The following CCSER2 variants were observed in gnomAD, a reference collection of about 807,000 sequenced individuals.
CCSER2 encodes the protein coiled-coil serine rich protein 2, also known as serine-rich coiled-coil domain-containing protein 2.
CCSER2 carries 46 observed loss-of-function variants against 92.3 expected under a neutral mutation model. That is an observed-to-expected ratio of 0.50 (90% CI 0.39 to 0.64). The LOEUF is 0.64. CCSER2 is among the 30% of genes least tolerant of loss of function. The probability of loss-of-function intolerance (pLI) is 0.00; values close to 1 mark genes in which losing one functional copy is unlikely to be tolerated. For synonymous variants in CCSER2, 433 were observed against 431.4 expected, an observed-to-expected ratio of 1.00 and a Z score of -0.04; for missense variants, 1,244 against 1,238.9, an observed-to-expected ratio of 1.00 and a Z score of -0.06.
chr10:84,371,475 G>C lies in CCSER2; in HGVS notation c.423G>C (p.Lys141Asn). ...FVSSTEELNQ[K>N]SFSGPSNLGK... ...CATCTACAGAGGAGTTAAACCAAAA[G>C]TCTTTTTCTGGACCATCTAATTTGG... The change falls in exon 2 of 10, where the codon AAG becomes AAC. Residue 141 changes from lysine (K) to asparagine (N), a missense_variant. By Grantham distance (94) the Lys-to-Asn change is moderately conservative (BLOSUM62 0). Coordinates refer to ENST00000372088, the MANE Select transcript of CCSER2 (RefSeq NM_001284240.2). 1.2e-6 allele frequency: 2 copies of C among 1,613,880 alleles called. No homozygotes were observed. The highest frequency in any genetic ancestry group is 1.7e-6 in the Non-Finnish European group (2 of 1,179,878).
At chr10:84,340,983 G>T (rs1219693561) in intron 1 of CCSER2, among the ~76,000 whole-genome samples, 1 of 150,056 alleles carries the variant, frequency 6.7e-6, no homozygotes. Flanking sequence ...ACTATTAGAA[G>T]ATAGGAAAGA....
chr10:84,366,664 G>C (rs1317477039), intron 1 of CCSER2, among the ~76,000 whole-genome samples: 1 of 152,174 alleles, frequency 6.6e-6, no homozygotes, highest in Admixed American at 6.5e-5. Flanking sequence ...TGGATTTTGG[G>C]CAATGACAAA....
intron 9 of CCSER2, among the ~76,000 whole-genome samples, chr10:84,506,519 C>T (rs527526309): frequency 9.2e-5 from 14 of 152,262 alleles, no homozygotes; most frequent in East Asian, 3.9e-4. Flanking sequence ...ACTGGCCGGG[C>T]GTGGTGGCTC....
chr10:84,357,244 A>G (rs1341630409), intron 1 of CCSER2, among the ~76,000 whole-genome samples: 2 of 151,658 alleles, frequency 1.3e-5, no homozygotes, highest in African/African-American at 2.4e-5. Context: ...ACACAAGACT[A>G]TATGTGTAAA....
chr10:84,477,920 A>C (rs1229686661), intron 9 of CCSER2, among the ~76,000 whole-genome samples: 1 of 151,856 alleles, frequency 6.6e-6, no homozygotes, highest in African/African-American at 2.4e-5. Context: ...TTGCGTGTCT[A>C]CTCTCCTCTT....
chr10:84,451,263 T>TTG (rs200151376), intron 6 of CCSER2, among the ~76,000 whole-genome samples: 7,411 of 150,548 alleles, frequency 0.049, 253 homozygotes, highest in East Asian at 0.16. Flanking sequence ...GGTTTTTTTT[T>TTG]TTTGTTTTTT....
At chr10:84,507,293 G>A in intron 9 of CCSER2, 3 of 985,078 alleles carry the variant, frequency 3.0e-6, no homozygotes, top group Non-Finnish European at 3.6e-6. Context: ...CCATTGGCAA[G>A]GAGTTGAGAA....
intron 6 of CCSER2, among the ~76,000 whole-genome samples, chr10:84,447,952 C>A (rs895695158): frequency 6.6e-6 from 1 of 152,144 alleles, no homozygotes; most frequent in Non-Finnish European, 1.5e-5. Flanking sequence ...CCCCACCATA[C>A]CCGGCTATTT....
intron 1 of CCSER2, among the ~76,000 whole-genome samples, chr10:84,336,695 C>G (rs1446390050): frequency 6.6e-6 from 1 of 152,120 alleles, no homozygotes; most frequent in South Asian, 2.1e-4. Flanking sequence ...TATGCCTGAT[C>G]ATATATGGCA....
Position 84,477,577 on chromosome 10 carries a change from A to C in CCSER2, c.2238A>C (p.Ala746=). 6.2e-7 allele frequency: 1 copy of C among 1,602,430 alleles called. No individual in the cohort carries two copies. Among genetic ancestry groups the C allele is most frequent in the Non-Finnish European group, 8.5e-7 (1 of 1,170,336 alleles). The change falls in exon 9 of 10, where the codon GCA becomes GCC. Residue 746 remains alanine, a splice_region_variant and synonymous_variant. Coordinates refer to ENST00000372088, the MANE Select transcript of CCSER2 (RefSeq NM_001284240.2). ...EKIQLLELQL[A]TQHICHQKCK... ...AAAAATTTTGTGTTTTTGTTTAGGC[A>C]ACTCAGCATATCTGCCACCAAAAAT...
intron 3 of CCSER2, among the ~76,000 whole-genome samples, chr10:84,385,144 T>C (rs148426838): frequency 1.8e-4 from 28 of 152,288 alleles, no homozygotes; most frequent in Middle Eastern, 3.4e-3. Context: ...TTCATTCTTA[T>C]GGATTAGAAG....
rs1849585340 is a variant in CCSER2 at position 84,515,936 on chromosome 10, A to G, written c.*1669A>G. 2 of 152,208 alleles carry G rather than the reference A, an allele frequency of 1.3e-5. No individual in the cohort carries two copies. Among genetic ancestry groups the G allele is most frequent in the Admixed American group, 6.5e-5 (1 of 15,280 alleles). 9.4% of individuals were successfully genotyped at this position (152,208 alleles called of 1,614,324 possible). A position where few individuals can be genotyped will look rare whatever the true frequency, so the allele number is the denominator to read the frequency against. ...ATCTGCCTTCCTCTTCTCCCAAATC[A>G]TGTCATCTTTAGGTTGTTCACCTGC... On this transcript the variant is annotated 3_prime_UTR_variant, in exon 10 of 10. Transcript: ENST00000372088.
intron 9 of CCSER2, among the ~76,000 whole-genome samples, chr10:84,490,853 T>G (rs1848118279): frequency 1.3e-5 from 2 of 152,230 alleles, no homozygotes; most frequent in African/African-American, 4.8e-5. Flanking sequence ...GCTCTGTTTT[T>G]TCCCCATCTT....
At chr10:84,434,283 T>A (rs1229174960) in intron 5 of CCSER2, among the ~76,000 whole-genome samples, 1 of 152,206 alleles carries the variant, frequency 6.6e-6, no homozygotes, top group Non-Finnish European at 1.5e-5. Flanking sequence ...AATCTCAAAT[T>A]CTGAGATTAA....
Position 84,516,560 on chromosome 10 carries a change from A to G in CCSER2, c.*2293A>G, listed in dbSNP as rs1261012904. The stretch of plus-strand genomic sequence containing the variant: ...TTGGTTTATTTAGAAGTTGGTTTAG[A>G]CCCTTATGAAACATTATTTACGAGT... On this transcript the variant is annotated 3_prime_UTR_variant, in exon 10 of 10. Coordinates refer to ENST00000372088, the MANE Select transcript of CCSER2 (RefSeq NM_001284240.2). The G allele has an allele frequency of 6.6e-5, 10 of 152,174 alleles. No individual in the cohort carries two copies. The highest frequency in any genetic ancestry group is 1.5e-4 in the Non-Finnish European group (10 of 68,032). 9.4% of individuals were successfully genotyped at this position (152,174 alleles called of 1,614,324 possible).
chr10:84,488,044 AT>A (rs1847914934), intron 9 of CCSER2, among the ~76,000 whole-genome samples: 2 of 152,254 alleles, frequency 1.3e-5, no homozygotes, highest in African/African-American at 4.8e-5. Flanking sequence ...GATTATGTTT[AT>A]TGATTTGCGT....
chr10:84,494,665 A>T (rs1848348671), intron 9 of CCSER2, among the ~76,000 whole-genome samples: 1 of 152,168 alleles, frequency 6.6e-6, no homozygotes, highest in Non-Finnish European at 1.5e-5. Flanking sequence ...GGGTGATGAT[A>T]TTCCTTCCTA....
intron 4 of CCSER2, among the ~76,000 whole-genome samples, chr10:84,420,773 AAC>A (rs900275670): frequency 3.9e-5 from 6 of 152,136 alleles, no homozygotes; most frequent in Middle Eastern, 6.8e-3. Flanking sequence ...CTCTACTAAA[AAC>A]ACAAAAAATT....
intron 9 of CCSER2, among the ~76,000 whole-genome samples, chr10:84,512,410 G>A (rs55697617): frequency 0.34 from 50,173 of 148,780 alleles, 10,223 homozygotes; most frequent in Non-Finnish European, 0.45. Flanking sequence ...GAGAGAGAGA[G>A]AGAGAGGAGA....
Sources: allele counts gnomAD v4.1 joint callset (sites outside exome capture counted in the v4.1 genomes callset), GRCh38; gene constraint gnomAD v4.1.1; transcripts MANE v1.5; gene names NCBI Gene and HGNC (gene_info 2026-07-23, HGNC 2026-07-21).